ZBTB10: variants seen among roughly 807,000 people sequenced by gnomAD.
The protein encoded by ZBTB10 is zinc finger and BTB domain containing 10, also known as zinc finger and BTB domain-containing protein 10.
Under a neutral mutation model 76.4 loss-of-function variants are expected in ZBTB10, and 32 were observed. The observed-to-expected ratio is 0.42, with a 90% confidence interval of 0.32 to 0.56. The LOEUF is 0.56. Ranked by LOEUF, ZBTB10 falls within the 20% of genes least tolerant of loss-of-function variation. The pLI is 0.14. For synonymous variants in ZBTB10, 523 were observed against 432.9 expected, an observed-to-expected ratio of 1.21 and a Z score of -2.58; for missense variants, 1,057 against 1,098.5, an observed-to-expected ratio of 0.96 and a Z score of 0.53.
chr8:80,500,632 C>T (rs1373662709), intron 2 of ZBTB10, among the ~76,000 whole-genome samples: 3 of 152,086 alleles, frequency 2.0e-5, no homozygotes, highest in East Asian at 1.9e-4. Context: ...TGTCAAGGAA[C>T]GTGGACTCTG....
rs916739170 is a variant in ZBTB10, at chr8:80,525,287, T to C, written c.*5759T>C. On this transcript the variant is annotated 3_prime_UTR_variant, in exon 6 of 6. Transcript: ENST00000455036. Reference sequence around the variant, plus strand: ...TGAAGTTTAAAGAAAGAAAGTGAACTATAGAAATCTATTCAGCTAATTAAA... The same window carrying C: ...TGAAGTTTAAAGAAAGAAAGTGAACCATAGAAATCTATTCAGCTAATTAAA... The C allele has an allele frequency of 4.6e-5, 7 of 152,084 alleles. No homozygotes were observed. The highest frequency in any genetic ancestry group is 1.7e-4 in the African/African-American group (7 of 41,432). The allele number at this position is 152,084 out of a possible 1,614,324, so 9.4% of individuals were successfully genotyped here.
At chr8:80,485,952 G>C, upstream of ZBTB10, 3 of 1,468,464 alleles carry the variant, frequency 2.0e-6, no homozygotes, top group Non-Finnish European at 2.7e-6. Flanking sequence ...CGCGTAGCCC[G>C]GCCCCGGCCG....
intron 1 of ZBTB10, among the ~76,000 whole-genome samples, chr8:80,493,207 G>GCGCGCGCGCGCGCACACACACACA (rs375071529): frequency 2.4e-5 from 3 of 125,244 alleles, no homozygotes; most frequent in African/African-American, 6.2e-5. Context: ...GCGCGCGCGC[G>GCGCGCGCGCGCGCACACACACACA]CACACACACA....
intron 1 of ZBTB10, among the ~76,000 whole-genome samples, chr8:80,496,107 A>G (rs555286466): frequency 2.0e-5 from 3 of 152,226 alleles, no homozygotes; most frequent in Non-Finnish European, 4.4e-5. Flanking sequence ...CAGTATACTA[A>G]AAGTGGACAT....
chr8:80,489,647 G>A (rs532542955), intron 1 of ZBTB10, among the ~76,000 whole-genome samples: 2 of 152,208 alleles, frequency 1.3e-5, no homozygotes, highest in African/African-American at 4.8e-5. Context: ...TCTCCTCTGG[G>A]TATGTATCTG....
In ZBTB10 at chr8:80,526,265, A is replaced by G. The variant is rs935133645; in HGVS notation, c.*6737A>G. 6.6e-6 allele frequency: 1 copy of G among 152,160 alleles called. No individual in the cohort carries two copies. The highest frequency in any genetic ancestry group is 2.4e-5 in the African/African-American group (1 of 41,450). 9.4% of individuals were successfully genotyped at this position (152,160 alleles called of 1,614,324 possible). ...ACATCAATAAAGGTATTTTAAAATGACCTAATGTTTTAGTTGCCAACATGA... is the reference window on the plus strand; with the variant it reads ...ACATCAATAAAGGTATTTTAAAATGGCCTAATGTTTTAGTTGCCAACATGA... On this transcript the variant is annotated 3_prime_UTR_variant, in exon 6 of 6. Coordinates refer to ENST00000455036, the MANE Select transcript of ZBTB10 (RefSeq NM_001105539.3).
chr8:80,506,567 C>CCA (rs1563463113), intron 2 of ZBTB10, among the ~76,000 whole-genome samples: 1 of 129,342 alleles, frequency 7.7e-6, no homozygotes, highest in Non-Finnish European at 1.6e-5. Context: ...GATCCACCCC[C>CCA]CCCCCAACCC....
At chr8:80,508,376 G>C (rs1405013125) in intron 2 of ZBTB10, among the ~76,000 whole-genome samples, 2 of 152,118 alleles carry the variant, frequency 1.3e-5, no homozygotes, top group East Asian at 3.8e-4. Context: ...TAACTTTCTG[G>C]GAACTCCAAA....
At chr8:80,501,497 A>C (rs1383984137) in intron 2 of ZBTB10, among the ~76,000 whole-genome samples, 1 of 152,192 alleles carries the variant, frequency 6.6e-6, no homozygotes, top group Non-Finnish European at 1.5e-5. Context: ...ACTTCAAAGC[A>C]CTGTAACTGT....
Position 80,487,035 on chromosome 8 carries a change from A to G in ZBTB10, c.225A>G (p.Gln75=). ...TGGAATTGGAGGGCCTGGAGCCCCA[A>G]GACCTGGAGGCCTCCGCCGGGCCGG... is the stretch of plus-strand genomic sequence containing the variant. ...EEVELEGLEP[Q]DLEASAGPAA... is the part of the protein sequence containing the mutation. The change falls in exon 1 of 6, where the codon CAA becomes CAG. Residue 75 remains glutamine, a synonymous_variant. Coordinates refer to ENST00000455036, the MANE Select transcript of ZBTB10 (RefSeq NM_001105539.3). The G allele has an allele frequency of 6.6e-7, 1 of 1,519,776 alleles. No individual in the cohort carries two copies. The highest frequency in any genetic ancestry group is 8.8e-7 in the Non-Finnish European group (1 of 1,140,006). The allele number at this position is 1,519,776 out of a possible 1,614,324, so 94.1% of individuals were successfully genotyped here. A position where few individuals can be genotyped will look rare whatever the true frequency, so the allele number is the denominator to read the frequency against.
intron 1 of ZBTB10, among the ~76,000 whole-genome samples, chr8:80,488,732 G>A (rs1001812565): frequency 1.3e-5 from 2 of 152,214 alleles, no homozygotes; most frequent in African/African-American, 4.8e-5. Flanking sequence ...CCAAACAGAT[G>A]TTGATCAGTC....
chr8:80,505,384 G>T (rs114498415), intron 2 of ZBTB10, among the ~76,000 whole-genome samples: 1 of 152,182 alleles, frequency 6.6e-6, no homozygotes, highest in East Asian at 1.9e-4. Flanking sequence ...TGCAGCAGTC[G>T]ATTATTATAT....
chr8:80,486,258 G>T lies in ZBTB10; in HGVS notation c.-553G>T. 4 of 1,022,886 alleles carry T rather than the reference G, an allele frequency of 3.9e-6. No individual in the cohort carries two copies. The highest frequency in any genetic ancestry group is 4.7e-6 in the Non-Finnish European group (4 of 855,662). The allele number at this position is 1,022,886 out of a possible 1,614,324, so 63.4% of individuals were successfully genotyped here. On this transcript the variant is annotated 5_prime_UTR_variant, in exon 1 of 6. Transcript: ENST00000455036. ...ATTCGACCTCCGCCAGGGCCTGGTC[G>T]GACGGAAACGCTCCGCCGGCTTTAT...
intron 1 of ZBTB10, among the ~76,000 whole-genome samples, chr8:80,495,414 G>A (rs945325813): frequency 7.2e-5 from 10 of 137,984 alleles, no homozygotes; most frequent in African/African-American, 2.6e-4. Context: ...TTGTTTTGTT[G>A]TTTTTTTTTT....
chr8:80,504,841 T>C (rs1307895094), intron 2 of ZBTB10, among the ~76,000 whole-genome samples: 1 of 152,312 alleles, frequency 6.6e-6, no homozygotes, highest in Non-Finnish European at 1.5e-5. Context: ...AACCTGAGAT[T>C]AGAAATTGAA....
intron 2 of ZBTB10, 38 bp downstream of exon 2, chr8:80,500,420 C>T: frequency 1.4e-6 from 2 of 1,443,682 alleles, no homozygotes; most frequent in Non-Finnish European, 1.8e-6. Context: ...CCTTGTTCAT[C>T]CTAATTCTAG....
chr8:80,499,447 A>T (rs751198310), intron 1 of ZBTB10, 47 bp from the exon 2 acceptor site: 16 of 1,490,640 alleles, frequency 1.1e-5, no homozygotes, highest in Middle Eastern at 1.8e-4. Context: ...GGGAGTTTTT[A>T]AAAAAGTCAA....
chr8:80,493,680 C>A (rs3932815), intron 1 of ZBTB10, among the ~76,000 whole-genome samples: 64,037 of 148,188 alleles, frequency 0.43, 17,241 homozygotes, highest in African/African-American at 0.79. Flanking sequence ...AAAAAAAAAA[C>A]CGAGCCGGGC....
rs79146741 is a variant in ZBTB10 at position 80,520,262 on chromosome 8, C to T, written c.*734C>T. ...GAATGATGTTATGAAGTTACCGTGG[C>T]GAAGTTGACAAATACCACTAAAATG... On this transcript the variant is annotated 3_prime_UTR_variant, in exon 6 of 6. Transcript: ENST00000455036. The T allele has an allele frequency of 2.2e-3, 342 of 152,498 alleles. 1 individual carries two copies. Among genetic ancestry groups the T allele is most frequent in the African/African-American group, 7.8e-3 (326 of 41,540 alleles). The allele number at this position is 152,498 out of a possible 1,614,324, so 9.4% of individuals were successfully genotyped here. A position where few individuals can be genotyped will look rare whatever the true frequency, so the allele number is the denominator to read the frequency against.
Sources: allele counts gnomAD v4.1 joint callset (sites outside exome capture counted in the v4.1 genomes callset), GRCh38; gene constraint gnomAD v4.1.1; transcripts MANE v1.5; gene names NCBI Gene and HGNC (gene_info 2026-07-23, HGNC 2026-07-21).